UGT2A1: variants seen among roughly 807,000 people sequenced by gnomAD.
The protein encoded by UGT2A1 is UDP-glucuronosyltransferase 2A1.
A neutral mutation model predicts 45.4 loss-of-function variants in UGT2A1; 61 were observed. The ratio of observed to expected loss-of-function variants is 1.34; its 90% confidence interval spans 1.09 to 1.66. The LOEUF is 1.66. Among genes scored for constraint, UGT2A1 ranks in the 40% most tolerant of loss-of-function variants. The pLI is 0.00. For missense variants in UGT2A1, 649 were observed against 574.3 expected (o/e 1.13, Z -1.33); for synonymous variants, 229 against 196.2 (o/e 1.17, Z -1.40).
At chr4:69,598,361 A>T (rs909742694) in intron 4 of UGT2A1, among the ~76,000 whole-genome samples, 1 of 152,148 alleles carries the variant, frequency 6.6e-6, no homozygotes, top group African/African-American at 2.4e-5. Context: ...AGTTAAATAC[A>T]TTGTTCCTAC....
intron 2 of UGT2A1, among the ~76,000 whole-genome samples, chr4:69,636,312 G>A (rs1721708239): frequency 1.3e-5 from 2 of 152,252 alleles, no homozygotes; most frequent in East Asian, 1.9e-4. Flanking sequence ...TTCAATATCA[G>A]TTTACAGTTA....
At chr4:69,651,732 C>T (rs753627652) in intron 1 of UGT2A1, among the ~76,000 whole-genome samples, 16 of 152,124 alleles carry the variant, frequency 1.1e-4, no homozygotes, top group African/African-American at 1.4e-4. Flanking sequence ...CAGAGAGGAG[C>T]GACTGCCTGG....
Position 69,589,151 on chromosome 4 carries a change from G to C in UGT2A1, c.*221C>G. Reference sequence around the variant, plus strand: ...AGGAAGAGGGTATAGTCAGCAGGGAGAGACAAAGGAAAAATAGAAGACTAT... The same window carrying C: ...AGGAAGAGGGTATAGTCAGCAGGGACAGACAAAGGAAAAATAGAAGACTAT... On this transcript the variant is annotated 3_prime_UTR_variant, in exon 7 of 7. Coordinates refer to ENST00000286604, the MANE Select transcript of UGT2A1 (RefSeq NM_001252275.3). 1 of 464,744 alleles carries C rather than the reference G, an allele frequency of 2.2e-6. No individual in the cohort carries two copies. The highest frequency in any genetic ancestry group is 3.4e-6 in the Non-Finnish European group (1 of 290,202). The allele number at this position is 464,744 out of a possible 1,614,324, so 28.8% of individuals were successfully genotyped here.
intron 3 of UGT2A1, among the ~76,000 whole-genome samples, chr4:69,615,181 T>C (rs1720302040): frequency 6.6e-6 from 1 of 151,998 alleles, no homozygotes; most frequent in South Asian, 2.1e-4. Flanking sequence ...TCTCTCACCA[T>C]ACACAAAAAT....
At chr4:69,641,385 A>C (rs1310345974) in intron 2 of UGT2A1, among the ~76,000 whole-genome samples, 1 of 151,834 alleles carries the variant, frequency 6.6e-6, no homozygotes, top group African/African-American at 2.4e-5. Flanking sequence ...TTTTGGTATG[A>C]AAGATTTTCT....
At chr4:69,594,885 T>C (rs1173116114) in intron 5 of UGT2A1, among the ~76,000 whole-genome samples, 189 bp from the exon 6 acceptor site, 5 of 152,166 alleles carry the variant, frequency 3.3e-5, no homozygotes, top group Non-Finnish European at 7.4e-5. Flanking sequence ...ATTAACAGCA[T>C]TTGCATTTTC....
chr4:69,595,085 GAATTTATTTGC>G (rs918860499), intron 5 of UGT2A1, 66 bp downstream of exon 5: 5 of 1,522,224 alleles, frequency 3.3e-6, no homozygotes, highest in Non-Finnish European at 4.5e-6. Flanking sequence ...AAAATGTATT[GAATTTATTTGC>G]TATTAAACAG....
intron 3 of UGT2A1, among the ~76,000 whole-genome samples, chr4:69,624,391 G>C (rs1336830522): frequency 1.3e-5 from 2 of 150,622 alleles, no homozygotes; most frequent in African/African-American, 4.9e-5. Flanking sequence ...GTTTAGTCTT[G>C]CTTTTTTTAA....
chr4:69,624,332 C>T (rs1012593939), intron 3 of UGT2A1, among the ~76,000 whole-genome samples: 2 of 151,296 alleles, frequency 1.3e-5, no homozygotes, highest in Admixed American at 1.3e-4. Flanking sequence ...GGTATATTCT[C>T]ATTTTATTTT....
At position 69,596,330 on chromosome 4, in the gene UGT2A1, A is replaced by G. The variant is rs764403809; in HGVS notation, c.997-1081T>C. 7 of 1,607,916 alleles carry G rather than the reference A, an allele frequency of 4.4e-6. No homozygotes were observed. The Admixed American group carries it at 8.4e-5, about 19-fold the overall frequency. ...AGGTTTTTGACCATTGATCCCAGAGAAAACACCACAACACCATTTTTACCT... is the reference window on the plus strand; with the variant it reads ...AGGTTTTTGACCATTGATCCCAGAGGAAACACCACAACACCATTTTTACCT... On this transcript the variant is annotated intron_variant, in intron 4 of 6. Coordinates refer to ENST00000286604, the MANE Select transcript of UGT2A1 (RefSeq NM_001252275.3).
At position 69,594,468 on chromosome 4, in the gene UGT2A1, A is replaced by G; in HGVS notation, c.1304+9T>C. ...AGTTAGGCAAGTTTTTAGGAGCCTT[A>G]GTACTTACGAAGGTTCATTAATGAC... is the stretch of plus-strand genomic sequence containing the variant. On this transcript the variant is annotated intron_variant, in intron 6 of 6. Transcript: ENST00000286604. The G allele has an allele frequency of 6.2e-7, 1 of 1,613,976 alleles. No homozygotes were observed. Among genetic ancestry groups the G allele is most frequent in the Non-Finnish European group, 8.5e-7 (1 of 1,179,946 alleles).
chr4:69,625,543 A>G (rs1721007884), intron 3 of UGT2A1, among the ~76,000 whole-genome samples: 1 of 151,214 alleles, frequency 6.6e-6, no homozygotes, highest in Non-Finnish European at 1.5e-5. Flanking sequence ...ATCTATTAAT[A>G]CTATCCAATG....
intron 3 of UGT2A1, among the ~76,000 whole-genome samples, chr4:69,602,827 T>C (rs190577623): frequency 7.3e-6 from 1 of 136,770 alleles, no homozygotes; most frequent in East Asian, 2.1e-4. Context: ...AATCAATTTA[T>C]AGATTAATTA....
intron 3 of UGT2A1, among the ~76,000 whole-genome samples, chr4:69,601,385 G>T (rs1280466621): frequency 2.0e-5 from 3 of 152,006 alleles, no homozygotes; most frequent in South Asian, 4.2e-4. Flanking sequence ...GCCCTTCCCC[G>T]CCCCCCGGAG....
chr4:69,616,681 T>C (rs1374244002), intron 3 of UGT2A1, among the ~76,000 whole-genome samples: 3 of 152,044 alleles, frequency 2.0e-5, no homozygotes, highest in Middle Eastern at 6.8e-3. Flanking sequence ...TAATTTTATC[T>C]TCTAACTAGG....
intron 2 of UGT2A1, among the ~76,000 whole-genome samples, chr4:69,637,840 T>C (rs570312087): frequency 4.6e-5 from 7 of 151,834 alleles, no homozygotes; most frequent in African/African-American, 1.4e-4. Flanking sequence ...AACAAATACT[T>C]TTTTTTACAC....
At chr4:69,623,524 G>A (rs1201003908) in intron 3 of UGT2A1, among the ~76,000 whole-genome samples, 1 of 151,252 alleles carries the variant, frequency 6.6e-6, no homozygotes, top group Non-Finnish European at 1.5e-5. Flanking sequence ...TAACAGAATA[G>A]TTTATATAAA....
At chr4:69,651,912 G>A (rs975475467) in intron 1 of UGT2A1, among the ~76,000 whole-genome samples, 1 of 152,180 alleles carries the variant, frequency 6.6e-6, no homozygotes, top group Non-Finnish European at 1.5e-5. Flanking sequence ...CACCCTAAGG[G>A]AAGAATCATG....
At chr4:69,639,022 A>T (rs1214680157) in intron 2 of UGT2A1, 1 of 1,613,390 alleles carries the variant, frequency 6.2e-7, no homozygotes, top group African/African-American at 1.3e-5. Flanking sequence ...GTGAGCTCTG[A>T]TAAGGCTGCC....
Sources: allele counts gnomAD v4.1 joint callset (sites outside exome capture counted in the v4.1 genomes callset), GRCh38; gene constraint gnomAD v4.1.1; transcripts MANE v1.5; gene names NCBI Gene and HGNC (gene_info 2026-07-23, HGNC 2026-07-21).